Variants in PRSS23 observed in about 807,000 individuals in gnomAD.
The protein encoded by PRSS23 is protease, serine 23.
A neutral mutation model predicts 34.7 loss-of-function variants in PRSS23; 25 were observed. The observed-to-expected ratio is 0.72, with a 90% CI of 0.53 to 1.01. The LOEUF (loss-of-function observed/expected upper bound fraction) is 1.01. PRSS23 is among the 50% of genes least tolerant of loss of function. The pLI, the probability that PRSS23 is intolerant of heterozygous loss-of-function variation, is 0.00. For missense variants in PRSS23, 445 were observed against 475.6 expected (o/e 0.94, Z 0.60); for synonymous variants, 176 against 186.6 (o/e 0.94, Z 0.46).
chr11:86,800,329 C>T, upstream of PRSS23: 1 of 512,644 alleles, frequency 2.0e-6, no homozygotes, highest in Non-Finnish European at 2.5e-6. Context: ...CCACCGGGGC[C>T]CACCTGCGCA....
chr11:86,929,823 T>C (rs4943964), intron 2 of PRSS23, among the ~76,000 whole-genome samples: 94,910 of 151,924 alleles, frequency 0.62, 30,156 homozygotes, highest in Non-Finnish European at 0.69. Context: ...CCTAGATCAT[T>C]TATAGAGTGG....
exon 3 of PRSS23, chr11:86,952,828 T>C (rs1245228022): frequency 1.7e-5 from 3 of 177,928 alleles, no homozygotes; most frequent in African/African-American, 2.4e-5. Context: ...TTGAAAAAGC[T>C]AAAGAAACTA....
chr11:86,837,058 T>A (rs958070537), intron 2 of PRSS23: 2 of 152,206 alleles, frequency 1.3e-5, no homozygotes, highest in Non-Finnish European at 2.9e-5. Context: ...AGACACTAGA[T>A]TCAAGAATGT....
chr11:86,828,341 T>G (rs1423102590), intron 2 of PRSS23, among the ~76,000 whole-genome samples: 1 of 152,218 alleles, frequency 6.6e-6, no homozygotes, highest in Non-Finnish European at 1.5e-5. Context: ...GTTTTCCATT[T>G]GCTTGGTAGA....
At chr11:86,951,194 TTC>T (rs1949287747) in intron 2 of PRSS23, 3 of 1,614,024 alleles carry the variant, frequency 1.9e-6, no homozygotes, top group African/African-American at 1.3e-5. Flanking sequence ...ATTTCCTCTC[TTC>T]TCTCTCTTTA....
Position 86,865,335 on chromosome 11 carries a change from A to C in PRSS23, c.206+41742A>C, listed in dbSNP as rs139043128. Among the ~76,000 whole-genome samples the C allele has an allele frequency of 2.5e-3, 379 of 152,314 alleles. 1 individual carries two copies. The highest frequency in any genetic ancestry group is 7.7e-3 in the African/African-American group (322 of 41,568). On this transcript the variant is annotated intron_variant, in intron 2 of 2. Transcript: ENST00000533902. Reference sequence around the variant, plus strand: ...GTATGCTTGTGGGGATGACCGTAGTAATGACTAGGGTTATTATATCACTTG... The same window carrying C: ...GTATGCTTGTGGGGATGACCGTAGTCATGACTAGGGTTATTATATCACTTG...
chr11:86,928,173 TAATA>T (rs1197731385), intron 2 of PRSS23, among the ~76,000 whole-genome samples: 1 of 148,244 alleles, frequency 6.7e-6, no homozygotes, highest in African/African-American at 2.5e-5. Flanking sequence ...ATGTATATGT[TAATA>T]TATATTAAGC....
intron 2 of PRSS23, chr11:86,936,201 G>A (rs1246533831): frequency 6.6e-6 from 1 of 152,164 alleles, no homozygotes; most frequent in Non-Finnish European, 1.5e-5. Flanking sequence ...GGCTCTGTGT[G>A]GTGGCTTTTT....
rs551859755 is a variant in PRSS23 at position 86,860,652 on chromosome 11, C to A, written c.206+37059C>A. ...GAGTGGATGATATTACTCCCAATAT[C>A]GCAGTGGGTGTACGTTACCCCTGTG... On this transcript the variant is annotated intron_variant, in intron 2 of 2. Transcript: ENST00000533902. 1.8e-4 allele frequency among the ~76,000 whole-genome samples: 27 copies of A among 151,976 alleles called. No individual in the cohort carries two copies. In the South Asian group the frequency reaches 5.0e-3, roughly 28 times the overall value.
In PRSS23 at chr11:86,833,092, G is replaced by A. The variant is rs544571502; in HGVS notation, c.206+9499G>A. The A allele has an allele frequency of 1.3e-5, 8 of 605,578 alleles. No homozygotes were observed. In the East Asian group the frequency reaches 1.4e-4, roughly 11 times the overall value. The allele number at this position is 605,578 out of a possible 1,614,324, so 37.5% of individuals were successfully genotyped here. ...AGAGGGTGACAGATGGCTACAAACCGGTCATAGGCCCTCACACTCAGGAGC... is the reference window on the plus strand; with the variant it reads ...AGAGGGTGACAGATGGCTACAAACCAGTCATAGGCCCTCACACTCAGGAGC... On this transcript the variant is annotated intron_variant, in intron 2 of 2. Coordinates refer to the PRSS23 transcript ENST00000533902.
chr11:86,880,717 C>G (rs1948767343), intron 2 of PRSS23, among the ~76,000 whole-genome samples: 1 of 152,178 alleles, frequency 6.6e-6, no homozygotes, highest in South Asian at 2.1e-4. Flanking sequence ...CATTGTTCAA[C>G]TCCCACTTAT....
intron 2 of PRSS23, among the ~76,000 whole-genome samples, chr11:86,824,357 AAAT>A (rs1948281054): frequency 6.7e-6 from 1 of 149,256 alleles, no homozygotes; most frequent in South Asian, 2.1e-4. Context: ...AAATAAAATA[AAAT>A]AAAATAAAAT....
chr11:86,939,417 TATA>T (rs1565392789), intron 2 of PRSS23, among the ~76,000 whole-genome samples: 2 of 91,268 alleles, frequency 2.2e-5, no homozygotes, highest in Admixed American at 1.2e-4. Flanking sequence ...TATATATATA[TATA>T]TATATATTTT....
At chr11:86,879,274 G>A (rs547825996) in intron 2 of PRSS23, among the ~76,000 whole-genome samples, 5 of 123,468 alleles carry the variant, frequency 4.0e-5, no homozygotes, top group African/African-American at 1.2e-4. Flanking sequence ...ACCCAGCTGC[G>A]ACCCCGTCTG....
At chr11:86,898,370 C>T (rs976117373) in intron 2 of PRSS23, among the ~76,000 whole-genome samples, 1 of 152,202 alleles carries the variant, frequency 6.6e-6, no homozygotes, top group African/African-American at 2.4e-5. Context: ...TTTCAGAAAG[C>T]TCCCATAACC....
At chr11:86,842,892 A>C (rs1948459084) in intron 2 of PRSS23, among the ~76,000 whole-genome samples, 1 of 152,116 alleles carries the variant, frequency 6.6e-6, no homozygotes, top group Non-Finnish European at 1.5e-5. Flanking sequence ...ACTAGCACTA[A>C]TTTTCTTCAC....
intron 2 of PRSS23, among the ~76,000 whole-genome samples, chr11:86,845,235 G>A (rs1948478138): frequency 6.6e-6 from 1 of 152,112 alleles, no homozygotes; most frequent in Non-Finnish European, 1.5e-5. Flanking sequence ...AGACTCTGGA[G>A]AATCAGAAGC....
chr11:86,949,814 A>G (rs1204926292), intron 2 of PRSS23: 1 of 152,680 alleles, frequency 6.5e-6, no homozygotes, highest in Non-Finnish European at 1.5e-5. Flanking sequence ...ATTAAGCACC[A>G]TATAAATACT....
At chr11:86,804,139 A>G (rs1448459722) in intron 1 of PRSS23, among the ~76,000 whole-genome samples, 1 of 152,202 alleles carries the variant, frequency 6.6e-6, no homozygotes, top group Non-Finnish European at 1.5e-5. Flanking sequence ...AAGAATTTCT[A>G]AAGCACCCTA....
Sources: gnomAD v4.1 joint callset for allele counts (sites outside exome capture counted in the v4.1 genomes callset) on GRCh38, gnomAD v4.1.1 for gene constraint, MANE v1.5 for transcripts, NCBI Gene and HGNC (gene_info 2026-07-23, HGNC 2026-07-21) for gene names.